SDCCAG8: variants seen among roughly 807,000 people sequenced by gnomAD.
The protein encoded by SDCCAG8 is serologically defined colon cancer antigen 8.
In SDCCAG8, 74 loss-of-function variants were observed where a neutral mutation model predicts 101.8. The ratio of observed to expected loss-of-function variants is 0.73; its 90% CI spans 0.60 to 0.88. The LOEUF (loss-of-function observed/expected upper bound fraction) is 0.88. SDCCAG8 is among the 40% of genes least tolerant of loss of function. The probability of loss-of-function intolerance (pLI) is 0.00; values close to 1 mark genes in which losing one functional copy is unlikely to be tolerated. For synonymous variants in SDCCAG8, 281 were observed against 292.9 expected, an observed-to-expected ratio of 0.96 and a Z score of 0.41; for missense variants, 787 against 822.6, an observed-to-expected ratio of 0.96 and a Z score of 0.53.
rs141949791 is a variant in SDCCAG8, at chr1:243,299,462, G to T, written c.676-5251G>T. On this transcript the variant is annotated intron_variant, in intron 6 of 17. Coordinates refer to ENST00000366541, the MANE Select transcript of SDCCAG8 (RefSeq NM_006642.5). Reference sequence around the variant, plus strand: ...GGGTTTCGCTTTTGTTGCCCAGGCTGGAGTGCAATGGCATGATCTTGGCTC... The same window carrying T: ...GGGTTTCGCTTTTGTTGCCCAGGCTTGAGTGCAATGGCATGATCTTGGCTC... 1.5e-3 allele frequency among the ~76,000 whole-genome samples: 222 copies of T among 152,188 alleles called. 1 individual carries two copies. Among genetic ancestry groups the T allele is most frequent in the African/African-American group, 5.0e-3 (209 of 41,524 alleles).
intron 12 of SDCCAG8, among the ~76,000 whole-genome samples, chr1:243,354,111 C>T (rs1344797566): frequency 6.6e-6 from 1 of 152,166 alleles, no homozygotes; most frequent in Non-Finnish European, 1.5e-5. Context: ...AGCTAATTTC[C>T]TGAGCAAACC....
chr1:243,323,018 C>T (rs879742439), intron 9 of SDCCAG8, among the ~76,000 whole-genome samples: 3 of 151,756 alleles, frequency 2.0e-5, no homozygotes, highest in Non-Finnish European at 2.9e-5. Context: ...GCCTGTAGTC[C>T]CAGCTACTCG....
At chr1:243,308,233 A>G (rs2072358539) in intron 8 of SDCCAG8, 56 bp downstream of exon 8, 3 of 1,543,622 alleles carry the variant, frequency 1.9e-6, no homozygotes, top group Non-Finnish European at 1.8e-6. Flanking sequence ...TTCTGCCTTT[A>G]AAGGGGCATT....
At chr1:243,271,625 C>G (rs12755452) in intron 3 of SDCCAG8, among the ~76,000 whole-genome samples, 44,477 of 151,834 alleles carry the variant, frequency 0.29, 6,741 homozygotes, top group South Asian at 0.52. Context: ...TCACTACAAC[C>G]TCTGCCTCCC....
In SDCCAG8 at chr1:243,344,326, G is replaced by C; in HGVS notation, c.1468G>C (p.Asp490His). 6.2e-7 allele frequency: 1 copy of C among 1,602,398 alleles called. No homozygotes were observed. Among genetic ancestry groups the C allele is most frequent in the Non-Finnish European group, 8.6e-7 (1 of 1,169,328 alleles). ...AACTAACAGGGATCTTGAAATTAAA[G>C]ATCAGGTAAGAGAGGACACAGCATA... is the stretch of plus-strand genomic sequence containing the variant. ...AKTNRDLEIKDQEIEKLRIEL... is the reference protein window; with the variant it reads ...AKTNRDLEIKHQEIEKLRIEL... The change falls in exon 12 of 18, where the codon GAT becomes CAT. Residue 490 changes from aspartate (D) to histidine (H), a missense_variant. Transcript: ENST00000366541.
intron 1 of SDCCAG8, among the ~76,000 whole-genome samples, chr1:243,264,826 C>T (rs1024363599): frequency 1.3e-5 from 2 of 152,158 alleles, no homozygotes; most frequent in Non-Finnish European, 1.5e-5. Context: ...TAGTCAGTTC[C>T]TGGTTGGTGC....
chr1:243,348,337 A>G (rs1317611921), intron 12 of SDCCAG8, among the ~76,000 whole-genome samples: 28 of 150,764 alleles, frequency 1.9e-4, no homozygotes, highest in Admixed American at 1.9e-3. Context: ...GGCATGAGCC[A>G]CCGCGCCCGG....
At chr1:243,424,005 G>T (rs2081182421) in intron 15 of SDCCAG8, among the ~76,000 whole-genome samples, 1 of 152,048 alleles carries the variant, frequency 6.6e-6, no homozygotes, top group South Asian at 2.1e-4. Flanking sequence ...TGGTTTTGTT[G>T]TGCTATTTTT....
chr1:243,473,925 G>T (rs9428965), intron 16 of SDCCAG8, among the ~76,000 whole-genome samples: 15 of 73,924 alleles, frequency 2.0e-4, no homozygotes, highest in South Asian at 2.0e-3. Flanking sequence ...TTGCCGGCGG[G>T]GGGGGGGGGG....
Position 243,286,377 on chromosome 1 carries a change from C to T in SDCCAG8, c.526C>T (p.Gln176Ter). The part of the protein sequence containing the change: ...SQRQEETLRE[Q>*]TLLDASGNMH... ...AAGACAAGAGGAGACACTGAGGGAA[C>T]AAACACTTCTGGATGCATCCGTGAG... Residue 176 changes from glutamine to a stop codon, truncating the protein, a stop_gained, in exon 5 of 18, where the codon CAA (glutamine) becomes TAA (stop). Transcript: ENST00000366541. LOFTEE classifies it high-confidence loss of function. 6.2e-7 allele frequency: 1 copy of T among 1,614,056 alleles called. No homozygotes were observed. The highest frequency in any genetic ancestry group is 8.5e-7 in the Non-Finnish European group (1 of 1,179,916).
intron 1 of SDCCAG8, among the ~76,000 whole-genome samples, chr1:243,266,073 A>C (rs2067561228): frequency 6.6e-6 from 1 of 152,148 alleles, no homozygotes; most frequent in Non-Finnish European, 1.5e-5. Flanking sequence ...TAATTGTATA[A>C]ATTTATGGGT....
intron 9 of SDCCAG8, among the ~76,000 whole-genome samples, chr1:243,317,706 G>A (rs542744565): frequency 6.6e-6 from 1 of 152,224 alleles, no homozygotes; most frequent in East Asian, 1.9e-4. Flanking sequence ...GTGATCGGAC[G>A]GTGTTATAGG....
intron 13 of SDCCAG8, among the ~76,000 whole-genome samples, chr1:243,415,227 C>T (rs1339988368): frequency 6.6e-6 from 1 of 152,042 alleles, no homozygotes; most frequent in African/African-American, 2.4e-5. Context: ...ATCATTTACT[C>T]GCCTCTAGAT....
At chr1:243,441,298 G>C (rs954557870) in intron 16 of SDCCAG8, among the ~76,000 whole-genome samples, 1 of 152,202 alleles carries the variant, frequency 6.6e-6, no homozygotes, top group East Asian at 1.9e-4. Context: ...ACAGGGGATG[G>C]ATGGGTATTA....
intron 16 of SDCCAG8, among the ~76,000 whole-genome samples, chr1:243,447,745 T>G (rs2083045384): frequency 1.3e-5 from 2 of 152,232 alleles, no homozygotes; most frequent in African/African-American, 4.8e-5. Context: ...TTGATAAGTC[T>G]TCAGAATTAT....
Position 243,426,654 on chromosome 1 carries a change from A to G in SDCCAG8, c.1985+96A>G, listed in dbSNP as rs2081362374. On this transcript the variant is annotated intron_variant, in intron 16 of 17. Coordinates refer to ENST00000366541, the MANE Select transcript of SDCCAG8 (RefSeq NM_006642.5). ...TGCTGCGGAATAAGTAGAATTCATC[A>G]TCATTATGCTACTTGTGACATGCTC... 24 of 1,414,906 alleles carry G rather than the reference A, an allele frequency of 1.7e-5. No individual in the cohort carries two copies. The South Asian group carries it at 1.7e-4, about 10-fold the overall frequency. 87.6% of individuals were successfully genotyped at this position (1,414,906 alleles called of 1,614,324 possible).
At chr1:243,484,126 G>C (rs1664315346) in intron 16 of SDCCAG8, among the ~76,000 whole-genome samples, 1 of 152,210 alleles carries the variant, frequency 6.6e-6, no homozygotes, top group Admixed American at 6.5e-5. Flanking sequence ...TCTCTTCTAC[G>C]CCAGGCCGAT....
intron 16 of SDCCAG8, among the ~76,000 whole-genome samples, chr1:243,443,238 A>G (rs147131123): frequency 1.1e-4 from 16 of 152,346 alleles, no homozygotes; most frequent in Non-Finnish European, 1.8e-4. Flanking sequence ...AGATAGAATA[A>G]GGAAAGTATT....
At chr1:243,348,202 A>ATTTTTTTTTTTTTTT (rs74162279) in intron 12 of SDCCAG8, among the ~76,000 whole-genome samples, 1 of 131,652 alleles carries the variant, frequency 7.6e-6, no homozygotes, top group African/African-American at 3.0e-5. Flanking sequence ...CGCCCGGCTA[A>ATTTTTTTTTTTTTTT]TTTTTTTTTT....
Sources: gnomAD v4.1 joint callset for allele counts (sites outside exome capture counted in the v4.1 genomes callset) on GRCh38, gnomAD v4.1.1 for gene constraint, MANE v1.5 for transcripts, NCBI Gene and HGNC (gene_info 2026-07-23, HGNC 2026-07-21) for gene names.